CC2D1A: variants seen among roughly 807,000 people sequenced by gnomAD.
CC2D1A encodes the protein coiled-coil and C2 domain-containing protein 1A.
A neutral mutation model predicts 123.8 loss-of-function variants in CC2D1A; 68 were observed. That is an observed-to-expected ratio of 0.55 (90% CI 0.45 to 0.67). CC2D1A has a LOEUF of 0.67. Ranked by LOEUF, CC2D1A falls within the 30% of genes least tolerant of loss-of-function variation. The probability of loss-of-function intolerance (pLI) is 0.00; values close to 1 mark genes in which losing one functional copy is unlikely to be tolerated. For missense variants in CC2D1A, 1,185 were observed against 1,290.3 expected (o/e 0.92, Z 1.25); for synonymous variants, 477 against 528.0 (o/e 0.90, Z 1.32).
At chr19:13,911,689 G>A (rs374263743) in intron 2 of CC2D1A, among the ~76,000 whole-genome samples, 4 of 147,848 alleles carry the variant, frequency 2.7e-5, no homozygotes, top group South Asian at 2.1e-4. Flanking sequence ...GGGATTACAC[G>A]CCACCATGCC....
intron 20 of CC2D1A, 30 bp downstream of exon 20, chr19:13,926,902 T>C: frequency 6.2e-7 from 1 of 1,613,020 alleles, no homozygotes; most frequent in South Asian, 1.1e-5. Flanking sequence ...ACCCTACCCC[T>C]ACTCCCTTGC....
rs779279312 is a variant in CC2D1A at position 13,913,452 on chromosome 19, G to A, written c.562G>A (p.Glu188Lys). Residue 188 changes from glutamate (E) to lysine (K), a missense_variant, in exon 6 of 29, where the codon GAA becomes AAA. Physicochemically the swap from Glu to Lys is moderately conservative, Grantham distance 56. Transcript: ENST00000318003. ...CATCCGTAAGGGCAATGCCATTGAC[G>A]AAGCGGACATCCCGCCGCCAGTGGC... is the stretch of plus-strand genomic sequence containing the variant. ...ASIRKGNAID[E>K]ADIPPPVAIG... 8 of 1,614,078 alleles carry A rather than the reference G, an allele frequency of 5.0e-6. No homozygotes were observed. Among genetic ancestry groups the A allele is most frequent in the Non-Finnish European group, 6.8e-6 (8 of 1,180,052 alleles).
chr19:13,919,253 C>T, intron 11 of CC2D1A, 51 bp downstream of exon 11: 1 of 1,432,584 alleles, frequency 7.0e-7, no homozygotes, highest in Non-Finnish European at 9.5e-7. Flanking sequence ...CCCCCGTAGG[C>T]CCCGCCCCCA....
At position 13,906,515 on chromosome 19, in the gene CC2D1A, C is replaced by T. The variant is rs2145276704; in HGVS notation, c.60+14C>T. 1.4e-6 allele frequency: 2 copies of T among 1,473,600 alleles called. No individual in the cohort carries two copies. The highest frequency in any genetic ancestry group is 1.3e-5 in the South Asian group (1 of 77,498). 91.3% of individuals were successfully genotyped at this position (1,473,600 alleles called of 1,614,324 possible). A position where few individuals can be genotyped will look rare whatever the true frequency, so the allele number is the denominator to read the frequency against. On this transcript the variant is annotated intron_variant, in intron 1 of 28. Coordinates refer to ENST00000318003, the MANE Select transcript of CC2D1A (RefSeq NM_017721.5). This position sits in a 1 kb window ranked among gnomAD's most constrained non-coding sequence, Gnocchi z 4.1. ...GCCGCCCGCCAGGTGAGTTTGCGCC[C>T]CACGGCCCGACCTGGGGATCCCTCC...
At chr19:13,927,641 G>T in intron 22 of CC2D1A, 1 of 503,328 alleles carries the variant, frequency 2.0e-6, no homozygotes, top group Non-Finnish European at 3.6e-6. Context: ...AGCCAGGCAT[G>T]GTGGCGGGCG....
intron 6 of CC2D1A, among the ~76,000 whole-genome samples, chr19:13,916,590 A>G (rs1863119951): frequency 6.6e-6 from 1 of 152,126 alleles, no homozygotes; most frequent in Admixed American, 6.6e-5. Flanking sequence ...AATAAGCTTG[A>G]TGTATTTACG....
At position 13,906,512 on chromosome 19, in the gene CC2D1A, G is replaced by T. The variant is rs1214034173; in HGVS notation, c.60+11G>T. 2 of 1,473,396 alleles carry T rather than the reference G, an allele frequency of 1.4e-6. No homozygotes were observed. The highest frequency in any genetic ancestry group is 1.5e-5 in the African/African-American group (1 of 68,480). The allele number at this position is 1,473,396 out of a possible 1,614,324, so 91.3% of individuals were successfully genotyped here. A position where few individuals can be genotyped will look rare whatever the true frequency, so the allele number is the denominator to read the frequency against. On this transcript the variant is annotated intron_variant, in intron 1 of 28. Coordinates refer to ENST00000318003, the MANE Select transcript of CC2D1A (RefSeq NM_017721.5). The surrounding 1 kb of genome is among the most constrained non-coding windows in gnomAD (Gnocchi z 4.1). ...GCGGCCGCCCGCCAGGTGAGTTTGC[G>T]CCCCACGGCCCGACCTGGGGATCCC...
rs560940476 is a variant in CC2D1A, at chr19:13,928,013, C to A, written c.2437C>A (p.Pro813Thr). Residue 813 changes from proline (P) to threonine (T), a missense_variant, in exon 23 of 29, where the codon CCG becomes ACG. Pro to Thr is a conservative substitution (Grantham distance 38). Coordinates refer to ENST00000318003, the MANE Select transcript of CC2D1A (RefSeq NM_017721.5). ...GAGGTGGCTGGTCATTGACCCTGTGCCGGCAGCTGTGCCCACAGTGAGACC... is the reference window on the plus strand; with the variant it reads ...GAGGTGGCTGGTCATTGACCCTGTGACGGCAGCTGTGCCCACAGTGAGACC... ...TERWLVIDPV[P>T]AAVPTQVAGP... 3.3e-5 allele frequency: 53 copies of A among 1,613,668 alleles called. No homozygotes were observed. The East Asian group carries it at 1.2e-3, about 36-fold the overall frequency.
Position 13,906,434 on chromosome 19 carries a change from C to T in CC2D1A, c.-8C>T. 1 of 1,517,886 alleles carries T rather than the reference C, an allele frequency of 6.6e-7. No homozygotes were observed. The highest frequency in any genetic ancestry group is 1.2e-5 in the South Asian group (1 of 81,608). The allele number at this position is 1,517,886 out of a possible 1,614,324, so 94.0% of individuals were successfully genotyped here. On this transcript the variant is annotated 5_prime_UTR_variant, in exon 1 of 29. Transcript: ENST00000318003. The surrounding 1 kb of genome is among the most constrained non-coding windows in gnomAD (Gnocchi z 4.1). ...GGGGGCAGGTGGTCCGGGCATCCAG[C>T]CTTGAAGATGCACAAGAGGAAAGGA...
At chr19:13,913,704 A>AG (rs965760079) in intron 6 of CC2D1A, 66 bp downstream of exon 6, 2 of 1,262,142 alleles carry the variant, frequency 1.6e-6, no homozygotes, top group Non-Finnish European at 1.1e-6. Flanking sequence ...ATGCTGCTCT[A>AG]GGGGGGTGCC....
chr19:13,923,756 C>A lies in CC2D1A; in HGVS notation c.1885C>A (p.Arg629=), dbSNP rs143000486. 6.2e-7 allele frequency: 1 copy of A among 1,614,124 alleles called. No individual in the cohort carries two copies. The highest frequency in any genetic ancestry group is 8.5e-7 in the Non-Finnish European group (1 of 1,180,006). ...GGACATTCTGAAGCAAGCCTTCGTC[C>A]GGGGTCTCCCCACGCCCACCGCCCG... The part of the protein sequence containing the change: ...SMDILKQAFV[R]GLPTPTARFE... Residue 629 remains arginine (R), a synonymous_variant, in exon 17 of 29, where the codon CGG becomes AGG. Transcript: ENST00000318003. The surrounding 1 kb of genome is among the most constrained non-coding windows in gnomAD (Gnocchi z 5.3).
intron 22 of CC2D1A, 109 bp from the exon 23 acceptor site, chr19:13,927,784 A>G (rs1309359804): frequency 1.3e-5 from 11 of 841,464 alleles, no homozygotes; most frequent in African/African-American, 3.8e-5. Context: ...TCTATCTCAG[A>G]AAAAAAAAAA....
intron 2 of CC2D1A, among the ~76,000 whole-genome samples, chr19:13,911,706 A>ATTTT (rs1055273535): frequency 1.0e-4 from 9 of 88,550 alleles, no homozygotes; most frequent in South Asian, 3.5e-4. Context: ...TGCCCAGCTA[A>ATTTT]TTTTTTTTTT....
At chr19:13,928,085 G>A in intron 23 of CC2D1A, 39 bp from the exon 24 acceptor site, 2 of 1,610,446 alleles carry the variant, frequency 1.2e-6, no homozygotes, top group Non-Finnish European at 8.5e-7. Flanking sequence ...GCTTGGTTCA[G>A]GGGCCCAGGA....
chr19:13,918,303 A>G (rs1568410707), intron 7 of CC2D1A, 109 bp downstream of exon 7: 3 of 1,329,320 alleles, frequency 2.3e-6, no homozygotes, highest in South Asian at 1.5e-5. Context: ...CTCCCTAGCA[A>G]TAGTTTGCTG....
intron 17 of CC2D1A, among the ~76,000 whole-genome samples, chr19:13,925,959 T>TATATAC (rs1474864367): frequency 3.7e-4 from 44 of 120,380 alleles, no homozygotes; most frequent in African/African-American, 1.6e-3. Context: ...TATATATATA[T>TATATAC]ACACGTATAT....
At chr19:13,918,598 C>G in intron 8 of CC2D1A, 22 bp downstream of exon 8, 1 of 1,610,976 alleles carries the variant, frequency 6.2e-7, no homozygotes, top group Non-Finnish European at 8.5e-7. Context: ...GCCATGCCCA[C>G]TCTCTGGGAT....
In CC2D1A at chr19:13,912,336, G is replaced by A. The variant is rs1279084558; in HGVS notation, c.210G>A (p.Met70Ile). 6.2e-7 allele frequency: 1 copy of A among 1,607,196 alleles called. No homozygotes were observed. The highest frequency in any genetic ancestry group is 8.5e-7 in the Non-Finnish European group (1 of 1,176,952). The change falls in exon 3 of 29, where the codon ATG becomes ATA. Residue 70 changes from methionine to isoleucine, a missense_variant. Physicochemically the swap from Met to Ile is conservative, Grantham distance 10. Transcript: ENST00000318003. ...CCCTACCGCCAGGTCCCTTGCCGAT[G>A]GAGGCCATTGAGAAGATGGCCAGCC... ...EKLKGKGPLPMEAIEKMASLC... is the reference protein window; with the variant it reads ...EKLKGKGPLPIEAIEKMASLC...
chr19:13,924,195 G>C (rs1158226650), intron 17 of CC2D1A, among the ~76,000 whole-genome samples: 1 of 151,972 alleles, frequency 6.6e-6, no homozygotes, highest in Non-Finnish European at 1.5e-5. Flanking sequence ...TTTTGAGACA[G>C]AGTCTCACTC....
Sources: allele counts gnomAD v4.1 joint callset (sites outside exome capture counted in the v4.1 genomes callset), GRCh38; gene constraint gnomAD v4.1.1; non-coding constraint Gnocchi (gnomAD v3.1); transcripts MANE v1.5; gene names NCBI Gene and HGNC (gene_info 2026-07-23, HGNC 2026-07-21).